The following NELL1 variants were observed in gnomAD, a reference collection of about 807,000 sequenced individuals.
NELL1 encodes the protein protein kinase C-binding protein NELL1.
Under a neutral mutation model 107.4 loss-of-function variants are expected in NELL1, and 76 were observed. The observed-to-expected ratio is 0.71, with a 90% CI of 0.59 to 0.86. The LOEUF (loss-of-function observed/expected upper bound fraction) is 0.86, where lower values mean the gene tolerates loss of function less well. Among genes scored for constraint, NELL1 ranks in the 40% least tolerant of loss-of-function variants. NELL1 has a pLI of 0.00. For synonymous variants in NELL1, 353 were observed against 341.2 expected (o/e 1.03, Z -0.38); for missense variants, 1,024 against 1,005.5 (o/e 1.02, Z -0.25).
At chr11:21,321,962 G>A (rs1387536386) in intron 14 of NELL1, among the ~76,000 whole-genome samples, 2 of 152,162 alleles carry the variant, frequency 1.3e-5, no homozygotes, top group Non-Finnish European at 2.9e-5. Flanking sequence ...ACCAACTCCT[G>A]GAGTCTCATC....
At chr11:21,557,420 A>G (rs577256364) in intron 16 of NELL1, among the ~76,000 whole-genome samples, 1 of 152,186 alleles carries the variant, frequency 6.6e-6, no homozygotes, top group Admixed American at 6.6e-5. Context: ...ATAACCAAAT[A>G]TTTTAAAAGC....
intron 4 of NELL1, among the ~76,000 whole-genome samples, chr11:20,863,597 G>T (rs144614292): frequency 2.8e-5 from 4 of 141,750 alleles, no homozygotes; most frequent in African/African-American, 5.0e-5. Context: ...GATGGCGGCC[G>T]GGAAGAGGCG....
intron 15 of NELL1, among the ~76,000 whole-genome samples, chr11:21,423,418 A>T (rs1206075040): frequency 2.0e-5 from 3 of 152,174 alleles, no homozygotes; most frequent in African/African-American, 7.2e-5. Flanking sequence ...AAAAGTTTCA[A>T]TATAACATGA....
chr11:20,690,382 C>T (rs1176355595), intron 2 of NELL1, among the ~76,000 whole-genome samples: 1 of 152,168 alleles, frequency 6.6e-6, no homozygotes, highest in Non-Finnish European at 1.5e-5. Flanking sequence ...AATGGTGATG[C>T]CTGGGTTTTC....
intron 2 of NELL1, among the ~76,000 whole-genome samples, chr11:20,697,394 GC>G (rs1854648272): frequency 8.1e-6 from 1 of 122,736 alleles, no homozygotes; most frequent in Non-Finnish European, 1.7e-5. Context: ...TTAATATGTT[GC>G]TTTTTTTTTT....
At chr11:21,404,618 A>C (rs1160780570) in intron 15 of NELL1, among the ~76,000 whole-genome samples, 1 of 151,990 alleles carries the variant, frequency 6.6e-6, no homozygotes, top group African/African-American at 2.4e-5. Context: ...GATGCTAGGC[A>C]CTGTAAAATG....
intron 17 of NELL1, among the ~76,000 whole-genome samples, chr11:21,560,826 C>CAGTGCTGA (rs1390920504): frequency 6.6e-6 from 1 of 152,092 alleles, no homozygotes; most frequent in Non-Finnish European, 1.5e-5. Context: ...GACTTGCATC[C>CAGTGCTGA]AGTGCTGAGA....
Position 21,484,138 on chromosome 11 carries a change from T to G in NELL1, c.1646-50236T>G, listed in dbSNP as rs181927877. On this transcript the variant is annotated intron_variant, in intron 15 of 19. Transcript: ENST00000357134. The stretch of plus-strand genomic sequence containing the variant: ...AGGATAATTTTTTTCCCATGCTATA[T>G]TTTTTTGTATAAATTTCCAAACTTT... Among the ~76,000 whole-genome samples the G allele has an allele frequency of 3.3e-3, 490 of 150,224 alleles. 3 individuals are homozygous for G. The highest frequency in any genetic ancestry group is 0.011 in the African/African-American group (459 of 41,054).
At chr11:20,898,842 A>G (rs760459891) in intron 5 of NELL1, among the ~76,000 whole-genome samples, 8 of 152,204 alleles carry the variant, frequency 5.3e-5, no homozygotes, top group Non-Finnish European at 8.8e-5. Context: ...TCACAAATCT[A>G]TAAATAAAAC....
At position 21,397,152 on chromosome 11, in the gene NELL1, A is replaced by G. The variant is rs566967102; in HGVS notation, c.1645+26204A>G. ...GTTCTCTTCTTTCCAGGGCTGTAGC[A>G]TTTTATAAGACACACGAGGAATCAT... On this transcript the variant is annotated intron_variant, in intron 15 of 19. Transcript: ENST00000357134. 2.0e-5 allele frequency among the ~76,000 whole-genome samples: 3 copies of G among 151,748 alleles called. No individual in the cohort carries two copies. In the East Asian group the frequency reaches 5.9e-4, roughly 30 times the overall value.
chr11:21,221,924 C>G (rs1246571890), intron 13 of NELL1, among the ~76,000 whole-genome samples: 2 of 152,064 alleles, frequency 1.3e-5, no homozygotes, highest in Non-Finnish European at 2.9e-5. Flanking sequence ...AACTCCTGGG[C>G]TCAAGCAATC....
chr11:21,257,227 T>C (rs1375348130), intron 14 of NELL1, among the ~76,000 whole-genome samples: 1 of 152,010 alleles, frequency 6.6e-6, no homozygotes. Context: ...ATACAATTTA[T>C]GTGCAGTTTC....
At position 21,142,533 on chromosome 11, in the gene NELL1, C is replaced by T. The variant is rs149385912; in HGVS notation, c.1426+28819C>T. On this transcript the variant is annotated intron_variant, in intron 13 of 19. Coordinates refer to ENST00000357134, the MANE Select transcript of NELL1 (RefSeq NM_006157.5). ...GTTTCCATTTTGCGGGCTTAAATCACGGCAGAGGCATGGTGTCAGCTTCCT... is the reference window on the plus strand; with the variant it reads ...GTTTCCATTTTGCGGGCTTAAATCATGGCAGAGGCATGGTGTCAGCTTCCT... 9.2e-5 allele frequency among the ~76,000 whole-genome samples: 14 copies of T among 152,344 alleles called. No individual in the cohort carries two copies. In the East Asian group the frequency reaches 1.5e-3, roughly 17 times the overall value.
intron 10 of NELL1, among the ~76,000 whole-genome samples, chr11:20,942,852 C>T (rs971872371): frequency 1.3e-5 from 2 of 152,096 alleles, no homozygotes; most frequent in East Asian, 3.9e-4. Flanking sequence ...AATCCTTTTC[C>T]ATTTTGAATG....
At chr11:21,316,533 T>A (rs1334051474) in intron 14 of NELL1, among the ~76,000 whole-genome samples, 1 of 152,136 alleles carries the variant, frequency 6.6e-6, no homozygotes, top group Non-Finnish European at 1.5e-5. Flanking sequence ...ATGCTCTGTC[T>A]TAGTAAGAAA....
chr11:21,396,996 A>G (rs923853511), intron 15 of NELL1, among the ~76,000 whole-genome samples: 1 of 151,702 alleles, frequency 6.6e-6, no homozygotes, highest in Non-Finnish European at 1.5e-5. Context: ...TAAGGAGTAT[A>G]TATGAGAAAA....
intron 15 of NELL1, among the ~76,000 whole-genome samples, chr11:21,447,755 G>T (rs1202931583): frequency 6.6e-6 from 1 of 152,064 alleles, no homozygotes; most frequent in African/African-American, 2.4e-5. Context: ...TACTTGGGAG[G>T]TTGCATACCC....
intron 13 of NELL1, among the ~76,000 whole-genome samples, chr11:21,222,386 C>T (rs537145511): frequency 1.3e-3 from 190 of 150,750 alleles, no homozygotes; most frequent in African/African-American, 3.7e-4. Context: ...TTAGTAGAGA[C>T]GGGGTTTCAC....
intron 3 of NELL1, among the ~76,000 whole-genome samples, chr11:20,798,874 A>C (rs768882194): frequency 2.0e-5 from 3 of 152,216 alleles, no homozygotes; most frequent in Non-Finnish European, 4.4e-5. Context: ...TTGGACACTT[A>C]TCTGTGGGCT....
Sources: gnomAD v4.1 joint callset for allele counts (sites outside exome capture counted in the v4.1 genomes callset) on GRCh38, gnomAD v4.1.1 for gene constraint, MANE v1.5 for transcripts, NCBI Gene and HGNC (gene_info 2026-07-23, HGNC 2026-07-21) for gene names.